Variants in MGAT4C observed in about 807,000 individuals in gnomAD.
MGAT4C encodes the protein MGAT4 family member C, also known as alpha-1,3-mannosyl-glycoprotein 4-beta-N-acetylglucosaminyltransferase C.
A neutral mutation model predicts 40.1 loss-of-function variants in MGAT4C; 19 were observed. The ratio of observed to expected loss-of-function variants is 0.47; its 90% CI spans 0.33 to 0.70. The LOEUF (loss-of-function observed/expected upper bound fraction) is 0.70. MGAT4C is among the 30% of genes least tolerant of loss of function. The probability of loss-of-function intolerance (pLI) is 0.02; values close to 1 mark genes in which losing one functional copy is unlikely to be tolerated. For missense variants in MGAT4C, 491 were observed against 563.2 expected, an observed-to-expected ratio of 0.87 and a Z score of 1.30; for synonymous variants, 181 against 187.1, an observed-to-expected ratio of 0.97 and a Z score of 0.27.
chr12:86,143,089 A>G (rs1017407100), intron 1 of MGAT4C, among the ~76,000 whole-genome samples: 1 of 152,144 alleles, frequency 6.6e-6, no homozygotes, highest in Non-Finnish European at 1.5e-5. Context: ...CACCTTAATC[A>G]TGGCCTTTCA....
At chr12:86,348,028 T>C (rs1353002992) in intron 3 of MGAT4C, among the ~76,000 whole-genome samples, 1 of 152,190 alleles carries the variant, frequency 6.6e-6, no homozygotes, top group Non-Finnish European at 1.5e-5. Flanking sequence ...ACAAACATTG[T>C]GTAACTGTTG....
rs1195833498 is a variant in MGAT4C, at chr12:86,511,730, C to T, written c.-228-76465G>A. Among the ~76,000 whole-genome samples, 7 of 151,964 alleles carry T rather than the reference C, an allele frequency of 4.6e-5. No individual in the cohort carries two copies. In the East Asian group the frequency reaches 7.7e-4, roughly 17 times the overall value. On this transcript the variant is annotated intron_variant, in intron 2 of 7. Transcript: ENST00000548651. ...AAAAAATTGGAATTGTTTCTTGCAC[C>T]GCACACACAAGTCAATGCAAGATGG...
rs2136639151 is a variant in MGAT4C at position 85,959,172 on chromosome 12, G to A, written c.*20117C>T. ...AATAAAGATGGTATTTTCCATAACT[G>A]TTTAATAATAATCACATGTTTTATA... On this transcript the variant is annotated 3_prime_UTR_variant, in exon 5 of 5. Transcript: ENST00000611864. 1 of 152,028 alleles carries A rather than the reference G, an allele frequency of 6.6e-6. No individual in the cohort carries two copies. Among genetic ancestry groups the A allele is most frequent in the Non-Finnish European group, 1.5e-5 (1 of 67,934 alleles). The allele number at this position is 152,028 out of a possible 1,614,324, so 9.4% of individuals were successfully genotyped here.
chr12:86,620,686 G>A (rs1004733359), intron 2 of MGAT4C, among the ~76,000 whole-genome samples: 2 of 152,118 alleles, frequency 1.3e-5, no homozygotes, highest in Admixed American at 6.6e-5. Context: ...ATATGATTTG[G>A]CTATGTGTTC....
At chr12:86,323,760 C>T (rs527304700) in intron 4 of MGAT4C, among the ~76,000 whole-genome samples, 46 of 151,966 alleles carry the variant, frequency 3.0e-4, no homozygotes, top group Non-Finnish European at 6.5e-4. Flanking sequence ...CATGCCTTCT[C>T]ATTGAAACAT....
intron 2 of MGAT4C, among the ~76,000 whole-genome samples, chr12:86,669,622 G>T (rs898810073): frequency 6.6e-6 from 1 of 152,206 alleles, no homozygotes; most frequent in Admixed American, 6.5e-5. Flanking sequence ...ATTGGAGCTG[G>T]TGCTCATGTC....
In MGAT4C at chr12:85,979,057, T is replaced by C. The variant is rs1884233759; in HGVS notation, c.*232A>G. 3.2e-6 allele frequency: 1 copy of C among 314,282 alleles called. No individual in the cohort carries two copies. The highest frequency in any genetic ancestry group is 4.9e-5 in the East Asian group (1 of 20,224). The allele number at this position is 314,282 out of a possible 1,614,324, so 19.5% of individuals were successfully genotyped here. A position where few individuals can be genotyped will look rare whatever the true frequency, so the allele number is the denominator to read the frequency against. On this transcript the variant is annotated 3_prime_UTR_variant, in exon 5 of 5. Transcript: ENST00000611864. ...TTTTAAAACTAAGAACATTTAAAAA[T>C]ATAAATGAAAGTAGCATTAGCTATA...
intron 2 of MGAT4C, among the ~76,000 whole-genome samples, chr12:86,647,603 C>T (rs1963577654): frequency 6.6e-6 from 1 of 151,712 alleles, no homozygotes; most frequent in Non-Finnish European, 1.5e-5. Flanking sequence ...TTTTATTGAC[C>T]TCAAATACAC....
chr12:86,707,288 G>T (rs1437656915), intron 2 of MGAT4C, among the ~76,000 whole-genome samples: 1 of 152,164 alleles, frequency 6.6e-6, no homozygotes, highest in Non-Finnish European at 1.5e-5. Flanking sequence ...GGAAAGTTTG[G>T]AACTTCCTAG....
chr12:86,211,062 C>T (rs1307913390), intron 1 of MGAT4C, among the ~76,000 whole-genome samples: 1 of 151,808 alleles, frequency 6.6e-6, no homozygotes, highest in Non-Finnish European at 1.5e-5. Flanking sequence ...CTGAAAGTAA[C>T]ACATGGTAGT....
chr12:86,648,240 A>G (rs1342908662), intron 2 of MGAT4C, among the ~76,000 whole-genome samples: 1 of 151,942 alleles, frequency 6.6e-6, no homozygotes, highest in East Asian at 1.9e-4. Context: ...TTTGAATCCA[A>G]CACTGTTGTT....
intron 2 of MGAT4C, among the ~76,000 whole-genome samples, chr12:86,459,208 A>C (rs757726744): frequency 8.5e-5 from 13 of 152,160 alleles, no homozygotes; most frequent in Non-Finnish European, 1.9e-4. Context: ...TATTAGCATA[A>C]CATGTTTCTA....
intron 2 of MGAT4C, among the ~76,000 whole-genome samples, chr12:86,555,138 C>T (rs983907621): frequency 2.0e-5 from 3 of 151,610 alleles, no homozygotes; most frequent in Admixed American, 6.6e-5. Flanking sequence ...TAGATAAACA[C>T]CCCCATTTCA....
chr12:86,674,516 T>G lies in MGAT4C; in HGVS notation c.-229+52693A>C, dbSNP rs555156822. Among the ~76,000 whole-genome samples, 8 of 152,000 alleles carry G rather than the reference T, an allele frequency of 5.3e-5. No homozygotes were observed. The East Asian group carries it at 1.6e-3, about 30-fold the overall frequency. On this transcript the variant is annotated intron_variant, in intron 2 of 7. Transcript: ENST00000548651. The stretch of plus-strand genomic sequence containing the variant: ...TTCGAGACCTGCCTGGCCAGTATGG[T>G]GAAACCCCGTCTTTACTAAAAATAC...
Position 86,710,677 on chromosome 12 carries a change from C to A in MGAT4C, c.-229+16532G>T, listed in dbSNP as rs150039355. Among the ~76,000 whole-genome samples, 502 of 152,238 alleles carry A rather than the reference C, an allele frequency of 3.3e-3. 2 individuals are homozygous for A. Among genetic ancestry groups the A allele is most frequent in the African/African-American group, 0.011 (472 of 41,544 alleles). On this transcript the variant is annotated intron_variant, in intron 2 of 7. Transcript: ENST00000548651. ...GAACTATCACTCGATCCAGCAATCC[C>A]ACTACTGGGTATCTACCCAAAGGAA...
At chr12:86,650,229 A>G (rs1361915309) in intron 2 of MGAT4C, among the ~76,000 whole-genome samples, 1 of 151,950 alleles carries the variant, frequency 6.6e-6, no homozygotes, top group African/African-American at 2.4e-5. Flanking sequence ...ATCCTACAAC[A>G]AAGAGTTACA....
chr12:86,045,361 A>T (rs2136951810), intron 2 of MGAT4C, among the ~76,000 whole-genome samples: 1 of 152,298 alleles, frequency 6.6e-6, no homozygotes, highest in East Asian at 1.9e-4. Context: ...TCTCTCCACA[A>T]GTACTTCACA....
intron 1 of MGAT4C, among the ~76,000 whole-genome samples, chr12:86,069,205 C>T (rs1384419306): frequency 2.0e-5 from 3 of 151,948 alleles, no homozygotes; most frequent in South Asian, 4.2e-4. Context: ...TTATAGTGTA[C>T]CTTGCTTATT....
At chr12:86,004,571 G>A (rs1233885965) in intron 2 of MGAT4C, among the ~76,000 whole-genome samples, 2 of 152,212 alleles carry the variant, frequency 1.3e-5, no homozygotes, top group African/African-American at 4.8e-5. Flanking sequence ...CTGAATTAAG[G>A]ATTTTCAGAA....
Sources: allele counts gnomAD v4.1 joint callset (sites outside exome capture counted in the v4.1 genomes callset), GRCh38; gene constraint gnomAD v4.1.1; transcripts MANE v1.5; gene names NCBI Gene and HGNC (gene_info 2026-07-23, HGNC 2026-07-21).